SND1: variants seen among roughly 807,000 people sequenced by gnomAD.
The protein encoded by SND1 is staphylococcal nuclease domain-containing protein 1.
A neutral mutation model predicts 121.7 loss-of-function variants in SND1; 38 were observed. The ratio of observed to expected loss-of-function variants is 0.31; its 90% CI spans 0.24 to 0.41. The LOEUF is 0.41. SND1 is among the 10% of genes least tolerant of loss of function. The probability of loss-of-function intolerance (pLI) is 1.00; values close to 1 mark genes in which losing one functional copy is unlikely to be tolerated. For synonymous variants in SND1, 401 were observed against 447.4 expected, an observed-to-expected ratio of 0.90 and a Z score of 1.31; for missense variants, 868 against 1,184.6, an observed-to-expected ratio of 0.73 and a Z score of 3.92.
At chr7:127,918,978 A>G (rs1800644296) in intron 14 of SND1, among the ~76,000 whole-genome samples, 1 of 152,098 alleles carries the variant, frequency 6.6e-6, no homozygotes, top group African/African-American at 2.4e-5. Context: ...AATTGTTGCC[A>G]TTTTTCTCCA....
intron 10 of SND1, among the ~76,000 whole-genome samples, chr7:127,753,489 CT>C (rs1004091328): frequency 4.0e-5 from 6 of 151,762 alleles, no homozygotes; most frequent in Admixed American, 3.9e-4. Flanking sequence ...TCCTCTTCCC[CT>C]GCCACCAAAG....
chr7:127,844,499 C>T (rs1799021819), intron 12 of SND1, 75 bp downstream of exon 12: 4 of 1,171,734 alleles, frequency 3.4e-6, no homozygotes, highest in Admixed American at 4.1e-5. Context: ...TGAATCTTTC[C>T]TTCCTTTCAC....
intron 10 of SND1, among the ~76,000 whole-genome samples, chr7:127,771,393 T>C (rs990714049): frequency 6.6e-6 from 1 of 152,214 alleles, no homozygotes; most frequent in Admixed American, 6.5e-5. Flanking sequence ...TGTGTTCATG[T>C]TCTTCCAAAT....
At chr7:127,712,905 G>A (rs1348635793) in intron 9 of SND1, among the ~76,000 whole-genome samples, 1 of 152,214 alleles carries the variant, frequency 6.6e-6, no homozygotes, top group African/African-American at 2.4e-5. Context: ...TTATATTCAT[G>A]TAGTTGAGAA....
chr7:127,730,750 T>C (rs1202844530), intron 10 of SND1, among the ~76,000 whole-genome samples: 2 of 152,250 alleles, frequency 1.3e-5, no homozygotes, highest in Non-Finnish European at 2.9e-5. Flanking sequence ...GTCTAGCACA[T>C]AGTTGATACT....
At chr7:127,773,676 C>T (rs1044457761) in intron 10 of SND1, among the ~76,000 whole-genome samples, 1 of 152,008 alleles carries the variant, frequency 6.6e-6, no homozygotes, top group African/African-American at 2.4e-5. Context: ...CCCTCTTTTT[C>T]TTCACTGTCT....
chr7:127,791,529 A>G (rs1797909814), intron 10 of SND1, among the ~76,000 whole-genome samples: 1 of 152,142 alleles, frequency 6.6e-6, no homozygotes, highest in Non-Finnish European at 1.5e-5. Context: ...ACAGCTCTGA[A>G]ATGTTAAATA....
intron 2 of SND1, among the ~76,000 whole-genome samples, chr7:127,689,227 C>T (rs951557293): frequency 3.9e-5 from 6 of 152,318 alleles, no homozygotes; most frequent in East Asian, 1.9e-4. Flanking sequence ...TTGCTAATTT[C>T]TCTTACTACA....
At chr7:127,803,871 G>A (rs1798181087) in intron 10 of SND1, among the ~76,000 whole-genome samples, 1 of 152,176 alleles carries the variant, frequency 6.6e-6, no homozygotes, top group South Asian at 2.1e-4. Context: ...GATGACTGAC[G>A]TTACCTCTTC....
chr7:128,016,686 C>G (rs1240931262), intron 16 of SND1, among the ~76,000 whole-genome samples: 1 of 152,230 alleles, frequency 6.6e-6, no homozygotes, highest in African/African-American at 2.4e-5. Context: ...TTTTCTTTCT[C>G]TAAAGTCACA....
chr7:127,864,441 A>G (rs1400057629), intron 12 of SND1, among the ~76,000 whole-genome samples: 1 of 151,890 alleles, frequency 6.6e-6, no homozygotes, highest in Non-Finnish European at 1.5e-5. Flanking sequence ...TCTTCTGGTT[A>G]TTTGAATCTG....
At chr7:128,030,858 A>G in intron 16 of SND1, 2 of 536,154 alleles carry the variant, frequency 3.7e-6, no homozygotes, top group Non-Finnish European at 6.5e-6. Context: ...AAGCCCTCCG[A>G]AAGCTACGAC....
intron 16 of SND1, among the ~76,000 whole-genome samples, chr7:127,994,585 A>AAAAAAAAAAAC (rs1802599186): frequency 1.7e-5 from 2 of 118,192 alleles, no homozygotes; most frequent in African/African-American, 3.3e-5. Context: ...AAAAAAAAAA[A>AAAAAAAAAAAC]CAGTAAATTC....
chr7:127,761,940 TG>T (rs778834323), intron 10 of SND1, among the ~76,000 whole-genome samples: 3 of 152,182 alleles, frequency 2.0e-5, no homozygotes, highest in Non-Finnish European at 2.9e-5. Flanking sequence ...AGAAATTAAT[TG>T]ATGTAAGATT....
At chr7:128,013,243 T>C (rs1803153691) in intron 16 of SND1, among the ~76,000 whole-genome samples, 1 of 152,092 alleles carries the variant, frequency 6.6e-6, no homozygotes, top group African/African-American at 2.4e-5. Flanking sequence ...TCCAGAGTGC[T>C]CCCCCTTTAT....
At chr7:127,796,890 C>CTTTTTTTTTTTT in intron 10 of SND1, among the ~76,000 whole-genome samples, 1 of 102,088 alleles carries the variant, frequency 9.8e-6, no homozygotes, top group Non-Finnish European at 1.9e-5. Context: ...TTTCCTGAGT[C>CTTTTTTTTTTTT]TTTTTTTTTT....
chr7:127,917,739 C>G (rs888182864), intron 14 of SND1, among the ~76,000 whole-genome samples: 1 of 152,108 alleles, frequency 6.6e-6, no homozygotes, highest in African/African-American at 2.4e-5. Flanking sequence ...AACTCTTAGT[C>G]CTTAGAAACA....
intron 9 of SND1, among the ~76,000 whole-genome samples, chr7:127,716,418 A>T (rs1412614360): frequency 6.7e-6 from 1 of 148,880 alleles, no homozygotes; most frequent in East Asian, 1.9e-4. Context: ...CAAGTTTTTC[A>T]CTTCCTTGGT....
At chr7:128,020,003 C>T (rs1313847568) in intron 16 of SND1, among the ~76,000 whole-genome samples, 2 of 152,202 alleles carry the variant, frequency 1.3e-5, no homozygotes, top group Admixed American at 6.5e-5. Flanking sequence ...AGACCTCTAA[C>T]ATGATTTAGC....
Sources: gnomAD v4.1 joint callset for allele counts (sites outside exome capture counted in the v4.1 genomes callset) on GRCh38, gnomAD v4.1.1 for gene constraint, MANE v1.5 for transcripts, NCBI Gene and HGNC (gene_info 2026-07-23, HGNC 2026-07-21) for gene names.